GRIK4: variants seen among roughly 807,000 people sequenced by gnomAD.
GRIK4 encodes the protein glutamate ionotropic receptor kainate type subunit 4.
Under a neutral mutation model 104.9 loss-of-function variants are expected in GRIK4, and 40 were observed. That is an observed-to-expected ratio of 0.38 (90% confidence interval 0.30 to 0.50). GRIK4 has a LOEUF of 0.50. Among genes scored for constraint, GRIK4 ranks in the 20% least tolerant of loss-of-function variants. GRIK4 has a pLI of 0.93. For missense variants in GRIK4, 1,047 were observed against 1,308.1 expected (o/e 0.80, Z 3.08); for synonymous variants, 485 against 524.9 (o/e 0.92, Z 1.04).
At chr11:120,672,267 T>C (rs1281565947) in intron 3 of GRIK4, among the ~76,000 whole-genome samples, 4 of 151,936 alleles carry the variant, frequency 2.6e-5, no homozygotes, top group Non-Finnish European at 4.4e-5. Flanking sequence ...AATACAAAAA[T>C]TAGCAAGGCA....
Position 120,933,845 on chromosome 11 carries a change from T to G in GRIK4, c.1477-6502T>G, listed in dbSNP as rs554389674. 1.4e-3 allele frequency among the ~76,000 whole-genome samples: 218 copies of G among 152,138 alleles called. 1 individual carries two copies. The highest frequency in any genetic ancestry group is 5.1e-3 in the African/African-American group (211 of 41,498). ...GCAGTTCTCCTGACCCGTCCCATCC[T>G]CCCATTAGCATGGCTGTATGTAAGG... is the stretch of plus-strand genomic sequence containing the variant. On this transcript the variant is annotated intron_variant, in intron 13 of 20. Transcript: ENST00000527524.
chr11:120,718,105 C>T (rs544042015), intron 3 of GRIK4, among the ~76,000 whole-genome samples: 1 of 152,186 alleles, frequency 6.6e-6, no homozygotes, highest in African/African-American at 2.4e-5. Flanking sequence ...GCTTTGGGTG[C>T]TGAGAAGCCT....
At chr11:120,739,024 G>A (rs1225789667) in intron 3 of GRIK4, among the ~76,000 whole-genome samples, 3 of 152,164 alleles carry the variant, frequency 2.0e-5, no homozygotes, top group Non-Finnish European at 4.4e-5. Context: ...TCACAGCAGG[G>A]CTGGATACTC....
chr11:120,876,209 T>C (rs1439422662), intron 11 of GRIK4, among the ~76,000 whole-genome samples: 6 of 137,940 alleles, frequency 4.3e-5, no homozygotes, highest in Non-Finnish European at 3.1e-5. Flanking sequence ...ACCACCACCA[T>C]CATCATCATC....
At chr11:120,984,932 G>A (rs114534706) in intron 20 of GRIK4, among the ~76,000 whole-genome samples, 5,052 of 148,976 alleles carry the variant, frequency 0.034, 291 homozygotes, top group African/African-American at 0.12. Context: ...AGGTTTACGT[G>A]ATTTTCCCCA....
chr11:120,728,393 C>T (rs1242347581), intron 3 of GRIK4, among the ~76,000 whole-genome samples: 1 of 152,056 alleles, frequency 6.6e-6, no homozygotes, highest in Non-Finnish European at 1.5e-5. Flanking sequence ...GAATATTGTT[C>T]CCAAGAGCCC....
intron 6 of GRIK4, among the ~76,000 whole-genome samples, chr11:120,822,084 G>T (rs1024169651): frequency 6.6e-6 from 1 of 151,632 alleles, no homozygotes; most frequent in Non-Finnish European, 1.5e-5. Context: ...GGTGGTACGC[G>T]CCTGTAATCC....
intron 1 of GRIK4, among the ~76,000 whole-genome samples, chr11:120,582,482 GC>G (rs2135097429): frequency 6.6e-6 from 1 of 152,148 alleles, no homozygotes; most frequent in East Asian, 1.9e-4. Context: ...CCTCGAGTAG[GC>G]TTTGCTGTCT....
At chr11:120,631,826 A>G (rs1949336694) in intron 1 of GRIK4, among the ~76,000 whole-genome samples, 1 of 152,072 alleles carries the variant, frequency 6.6e-6, no homozygotes, top group Non-Finnish European at 1.5e-5. Context: ...CTACGACACC[A>G]CCGCTGGGCT....
At chr11:120,835,340 C>T (rs2135571569) in intron 7 of GRIK4, among the ~76,000 whole-genome samples, 1 of 152,296 alleles carries the variant, frequency 6.6e-6, no homozygotes, top group South Asian at 2.1e-4. Flanking sequence ...CCAGCCTGGC[C>T]AATATGGCGA....
chr11:120,944,469 C>G (rs1198107935), intron 14 of GRIK4, among the ~76,000 whole-genome samples: 1 of 152,186 alleles, frequency 6.6e-6, no homozygotes, highest in Non-Finnish European at 1.5e-5. Context: ...ACTTATGCCT[C>G]CTTCCCTGTG....
At chr11:120,770,892 A>C (rs895726498) in intron 3 of GRIK4, among the ~76,000 whole-genome samples, 18 of 152,352 alleles carry the variant, frequency 1.2e-4, no homozygotes, top group South Asian at 4.1e-4. Context: ...CCCTCACTGG[A>C]CACTGCATCT....
At chr11:120,837,230 G>T (rs896380237) in intron 8 of GRIK4, among the ~76,000 whole-genome samples, 4 of 152,192 alleles carry the variant, frequency 2.6e-5, no homozygotes, top group African/African-American at 9.7e-5. Flanking sequence ...GACAGGCTTG[G>T]ACTCTGAGAT....
intron 13 of GRIK4, among the ~76,000 whole-genome samples, chr11:120,911,387 C>T (rs564578246): frequency 4.7e-5 from 7 of 149,688 alleles, no homozygotes; most frequent in South Asian, 4.2e-4. Context: ...TACAGGCGCG[C>T]GCCACCATGC....
intron 3 of GRIK4, among the ~76,000 whole-genome samples, chr11:120,684,364 A>C (rs942389277): frequency 6.6e-6 from 1 of 152,200 alleles, no homozygotes; most frequent in Non-Finnish European, 1.5e-5. Flanking sequence ...AAACAAATGG[A>C]ATATGAATTT....
intron 8 of GRIK4, among the ~76,000 whole-genome samples, chr11:120,857,924 A>T (rs1420941202): frequency 6.6e-6 from 1 of 152,204 alleles, no homozygotes; most frequent in African/African-American, 2.4e-5. Flanking sequence ...AAAGCCACCC[A>T]CACTTGGAGT....
At chr11:120,865,801 G>T (rs1273650081) in intron 9 of GRIK4, among the ~76,000 whole-genome samples, 1 of 152,190 alleles carries the variant, frequency 6.6e-6, no homozygotes, top group Non-Finnish European at 1.5e-5. Context: ...AATACTCGAG[G>T]TTGGGTGATT....
At chr11:120,739,774 G>A (rs1415180963) in intron 3 of GRIK4, among the ~76,000 whole-genome samples, 1 of 152,194 alleles carries the variant, frequency 6.6e-6, no homozygotes, top group Non-Finnish European at 1.5e-5. Flanking sequence ...CTCAGTGTCA[G>A]TATGCATATG....
intron 3 of GRIK4, among the ~76,000 whole-genome samples, chr11:120,782,044 G>C (rs191044437): frequency 7.2e-5 from 11 of 152,172 alleles, no homozygotes; most frequent in Admixed American, 2.6e-4. Flanking sequence ...CTCAGGTGGC[G>C]CTTCATTAGC....
Sources: gnomAD v4.1 joint callset for allele counts (sites outside exome capture counted in the v4.1 genomes callset) on GRCh38, gnomAD v4.1.1 for gene constraint, MANE v1.5 for transcripts, NCBI Gene and HGNC (gene_info 2026-07-23, HGNC 2026-07-21) for gene names.